CDK16: variants seen among roughly 807,000 people sequenced by gnomAD.
The protein encoded by CDK16 is cyclin-dependent kinase 16.
A neutral mutation model predicts 41.6 loss-of-function variants in CDK16; 2 were observed. The observed-to-expected ratio is 0.05, with a 90% CI of 0.02 to 0.15. The LOEUF is 0.15. Among genes scored for constraint, CDK16 ranks in the 10% least tolerant of loss-of-function variants. The probability of loss-of-function intolerance (pLI) is 1.00; values close to 1 mark genes in which losing one functional copy is unlikely to be tolerated. For synonymous variants in CDK16, 169 were observed against 169.7 expected, an observed-to-expected ratio of 1.00 and a Z score of 0.03; for missense variants, 228 against 428.9, an observed-to-expected ratio of 0.53 and a Z score of 4.14.
chrX:47,226,786 C>T (rs1381068417), intron 10 of CDK16, 26 bp from the exon 11 acceptor site: 2 of 1,195,174 alleles, frequency 1.7e-6, no homozygotes, highest in Non-Finnish European at 2.3e-6. Context: ...AGCTGCCTTT[C>T]TATTCACTGT....
In CDK16 at chrX:47,223,121, A is replaced by G. The variant is rs5953015; in HGVS notation, c.-6-431A>G. On this transcript the variant is annotated intron_variant, in intron 1 of 15. Transcript: ENST00000357227. ...ATGCCACTCTATGGCCGTGCTCGAG[A>G]CCATGTCACCCATCCTTCAATTCTG... 18,268 of 1,154,149 alleles carry G rather than the reference A, an allele frequency of 0.016. 1,756 individuals are homozygous for G. The African/African-American group carries it at 0.29, about 18-fold the overall frequency.
Position 47,226,574 on chromosome X carries a change from G to T in CDK16, c.917-9G>T, listed in dbSNP as rs761972563. ...CCCTCATTCTAGCTGTCCTTTCTCTGATTTCCAGGCCTGGCCCGAGCCAAG... is the reference window on the plus strand; with the variant it reads ...CCCTCATTCTAGCTGTCCTTTCTCTTATTTCCAGGCCTGGCCCGAGCCAAG... On this transcript the variant is annotated splice_polypyrimidine_tract_variant and intron_variant, in intron 9 of 15. Transcript: ENST00000357227. 1 of 1,207,700 alleles carries T rather than the reference G, an allele frequency of 8.3e-7. No individual in the cohort carries two copies. Among genetic ancestry groups the T allele is most frequent in the Non-Finnish European group, 1.1e-6 (1 of 893,820 alleles).
chrX:47,223,536 C>T lies in CDK16; in HGVS notation c.-6-16C>T, dbSNP rs761130276. 8.3e-7 allele frequency: 1 copy of T among 1,204,905 alleles called. No individual in the cohort carries two copies. Among genetic ancestry groups the T allele is most frequent in the Non-Finnish European group, 1.1e-6 (1 of 890,047 alleles). On this transcript the variant is annotated splice_polypyrimidine_tract_variant and intron_variant, in intron 1 of 15. Transcript: ENST00000357227. The stretch of plus-strand genomic sequence containing the variant: ...TGCTAATAAGAGACCCATTTCCATC[C>T]TTGTCCCTTGCTCAGATCGCCATGG...
intron 1 of CDK16, chrX:47,223,155 C>T: frequency 8.6e-7 from 1 of 1,157,027 alleles, no homozygotes. Flanking sequence ...TGGGCACACG[C>T]CCTGGCCGAC....
rs749037868 is a variant in CDK16 at position 47,229,260 on chromosome X, ATTGT to A, written c.*495_*498del. The A allele has an allele frequency of 5.2e-5, 9 of 174,298 alleles. No individual in the cohort carries two copies. Among genetic ancestry groups the A allele is most frequent in the African/African-American group, 1.1e-4 (3 of 28,044 alleles). 14.4% of individuals were successfully genotyped at this position (174,298 alleles called of 1,213,427 possible). Reference sequence around the variant, plus strand: ...GGGCCTTTTTTTGTTTGTTTCATTCATTGTTTTTTTTTTTTTAATTATTTTAAAT... The same window carrying A: ...GGGCCTTTTTTTGTTTGTTTCATTCATTTTTTTTTTTTAATTATTTTAAAT... On this transcript the variant is annotated 3_prime_UTR_variant, in exon 16 of 16. Transcript: ENST00000357227.
rs41305363 is a variant in CDK16, at chrX:47,226,274, C to T, written c.793-5C>T. The T allele has an allele frequency of 0.014, 16,588 of 1,208,363 alleles. 600 individuals carry two copies. In the Admixed American group the frequency reaches 0.17, roughly 12 times the overall value. Reference sequence around the variant, plus strand: ...GACCTCTGCCTGCCATTCCTGGGTCCCCAGCTGTTCCTGTTCCAGCTGCTC... The same window carrying T: ...GACCTCTGCCTGCCATTCCTGGGTCTCCAGCTGTTCCTGTTCCAGCTGCTC... On this transcript the variant is annotated splice_polypyrimidine_tract_variant and splice_region_variant and intron_variant, in intron 8 of 15. Coordinates refer to ENST00000357227, the MANE Select transcript of CDK16 (RefSeq NM_006201.5).
At position 47,227,463 on chromosome X, in the gene CDK16, C is replaced by A. The variant is rs1414307923; in HGVS notation, c.1369C>A (p.Pro457Thr). The change falls in exon 14 of 16, where the codon CCT becomes ACT. Residue 457 changes from proline (P) to threonine (T), a missense_variant. Physicochemically the swap from Pro to Thr is conservative, Grantham distance 38 (BLOSUM62 -1). Transcript: ENST00000357227. ...TCTGGGGGAGCGGATCCACAAACTT[C>A]CTGACAGTGAGTGGAGCTGGGGAAT... is the stretch of plus-strand genomic sequence containing the variant. ...LSLGERIHKL[P>T]DTTSIFALKE... 1.7e-6 allele frequency: 2 copies of A among 1,193,549 alleles called. No individual in the cohort carries two copies. Among genetic ancestry groups the A allele is most frequent in the Non-Finnish European group, 2.3e-6 (2 of 880,707 alleles).
At chrX:47,227,794 C>T (rs2055258034) in intron 14 of CDK16, 1 of 200,553 alleles carries the variant, frequency 5.0e-6, no homozygotes, top group Non-Finnish European at 9.1e-6. Flanking sequence ...GAAACACATC[C>T]TTGTAACTAG....
upstream of CDK16, chrX:47,218,523 G>T: frequency 9.9e-7 from 1 of 1,006,241 alleles, no homozygotes; most frequent in Non-Finnish European, 1.3e-6. Context: ...GCAAACTTCT[G>T]CCAAGATCGG....
intron 14 of CDK16, 53 bp downstream of exon 14, chrX:47,227,522 T>A (rs766191375): frequency 8.4e-6 from 8 of 952,125 alleles, no homozygotes; most frequent in South Asian, 2.0e-5. Flanking sequence ...GAAACAGGAC[T>A]GCTGGGGCCA....
At chrX:47,224,278 G>GATGAT (rs1937478702) in intron 2 of CDK16, 107 bp from the exon 3 acceptor site, 1 of 890,135 alleles carries the variant, frequency 1.1e-6, no homozygotes, top group Admixed American at 3.3e-5. Flanking sequence ...TTTCCTGTGG[G>GATGAT]GGCCACGTGC....
intron 1 of CDK16, chrX:47,222,955 C>CCG: frequency 2.6e-6 from 2 of 755,762 alleles, no homozygotes; most frequent in Non-Finnish European, 3.5e-6. Flanking sequence ...CACACGCTCC[C>CCG]CTCCCCCCCC....
chrX:47,228,667 C>T, intron 15 of CDK16, 23 bp downstream of exon 15: 1 of 1,206,645 alleles, frequency 8.3e-7, no homozygotes, highest in Non-Finnish European at 1.1e-6. Context: ...CCTTGTCTTC[C>T]TCCCTGCCCC....
chrX:47,221,058 C>T (rs1243223584), intron 1 of CDK16, among the ~76,000 whole-genome samples: 1 of 111,271 alleles, frequency 9.0e-6, no homozygotes, highest in Non-Finnish European at 1.9e-5. Flanking sequence ...GCTTTGAATG[C>T]TGATGGGTAT....
rs1556796287 is a variant in CDK16 at position 47,218,869 on chromosome X, C to T, written c.-243C>T. 9.0e-7 allele frequency: 1 copy of T among 1,112,823 alleles called. No individual in the cohort carries two copies. The highest frequency in any genetic ancestry group is 3.8e-5 in the East Asian group (1 of 26,170). 91.7% of individuals were successfully genotyped at this position (1,112,823 alleles called of 1,213,427 possible). The stretch of plus-strand genomic sequence containing the variant: ...GTCCGGGGGCATCGCCCGCAGCGGC[C>T]AAGCTCATGGCCGGCTGAGCGGGAC... On this transcript the variant is annotated 5_prime_UTR_variant, in exon 1 of 16. Transcript: ENST00000357227.
Position 47,224,365 on chromosome X carries a change from AC to A in CDK16, c.203-16del. Reference sequence around the variant, plus strand: ...TTCCTGACCCCACCTGGCCTGCCCTACCCCTCTCCCTGCCACCAGAGATTGT... The same window carrying A: ...TTCCTGACCCCACCTGGCCTGCCCTACCCTCTCCCTGCCACCAGAGATTGT... On this transcript the variant is annotated intron_variant, in intron 2 of 15. Coordinates refer to ENST00000357227, the MANE Select transcript of CDK16 (RefSeq NM_006201.5). The A allele has an allele frequency of 8.5e-7, 1 of 1,172,580 alleles. No homozygotes were observed. Among genetic ancestry groups the A allele is most frequent in the Non-Finnish European group, 1.1e-6 (1 of 875,143 alleles).
At chrX:47,218,645 T>G, upstream of CDK16, 1 of 1,167,328 alleles carries the variant, frequency 8.6e-7, no homozygotes, top group Non-Finnish European at 1.1e-6. Flanking sequence ...GGACGGGTCC[T>G]TTGGTACATG....
At chrX:47,223,811 G>T in intron 2 of CDK16, 52 bp downstream of exon 2, 1 of 1,070,092 alleles carries the variant, frequency 9.3e-7, no homozygotes, top group Non-Finnish European at 1.3e-6. Flanking sequence ...TGCTTCCCAG[G>T]TGTTGCCTCC....
intron 14 of CDK16, 93 bp downstream of exon 14, chrX:47,227,562 GC>G: frequency 1.7e-6 from 1 of 594,685 alleles, no homozygotes; most frequent in Non-Finnish European, 2.8e-6. Context: ...TTCTGGCTGT[GC>G]CACCTCTACG....
Sources: gnomAD v4.1 joint callset for allele counts (sites outside exome capture counted in the v4.1 genomes callset) on GRCh38, gnomAD v4.1.1 for gene constraint, MANE v1.5 for transcripts, NCBI Gene and HGNC (gene_info 2026-07-23, HGNC 2026-07-21) for gene names.